The following BTC variants were observed in gnomAD, a reference collection of about 807,000 sequenced individuals.
BTC encodes probetacellulin.
BTC carries 13 observed loss-of-function variants against 18.1 expected under a neutral mutation model. The ratio of observed to expected loss-of-function variants is 0.72; its 90% confidence interval spans 0.47 to 1.14. BTC has a LOEUF of 1.14. Among genes scored for constraint, BTC ranks in the 50% most tolerant of loss-of-function variants. BTC has a pLI of 0.00. For synonymous variants in BTC, 83 were observed against 79.4 expected, an observed-to-expected ratio of 1.05 and a Z score of -0.24; for missense variants, 247 against 224.2, an observed-to-expected ratio of 1.10 and a Z score of -0.65.
At chr4:74,768,646 C>G (rs947850733) in intron 2 of BTC, among the ~76,000 whole-genome samples, 1 of 152,064 alleles carries the variant, frequency 6.6e-6, no homozygotes, top group South Asian at 2.1e-4. Flanking sequence ...GTTAGTGCAA[C>G]ATTAATAAAT....
chr4:74,775,435 C>T (rs1347185288), intron 1 of BTC, among the ~76,000 whole-genome samples: 1 of 152,040 alleles, frequency 6.6e-6, no homozygotes, highest in Non-Finnish European at 1.5e-5. Flanking sequence ...GTAGAAAACA[C>T]AGTAAGATTT....
chr4:74,771,320 T>C (rs1725032691), intron 1 of BTC, among the ~76,000 whole-genome samples: 1 of 152,198 alleles, frequency 6.6e-6, no homozygotes, highest in African/African-American at 2.4e-5. Flanking sequence ...AAATTACTTA[T>C]TGTTATGCAA....
chr4:74,778,631 G>C (rs144407349), intron 1 of BTC, among the ~76,000 whole-genome samples: 172 of 152,210 alleles, frequency 1.1e-3, no homozygotes, highest in African/African-American at 3.9e-3. Flanking sequence ...AATGAAAGGA[G>C]GAAGAATGTA....
At chr4:74,759,826 G>A (rs1165919881) in intron 2 of BTC, among the ~76,000 whole-genome samples, 1 of 152,100 alleles carries the variant, frequency 6.6e-6, no homozygotes, top group African/African-American at 2.4e-5. Context: ...TACATGAGAC[G>A]TACTAGATTC....
intron 3 of BTC, among the ~76,000 whole-genome samples, chr4:74,753,121 G>A (rs1024877125): frequency 6.6e-5 from 10 of 152,122 alleles, no homozygotes; most frequent in Non-Finnish European, 1.2e-4. Context: ...CAGATTCTAA[G>A]TTTTTTTATT....
chr4:74,771,512 A>G lies in BTC; in HGVS notation c.65-1356T>C, dbSNP rs192813780. On this transcript the variant is annotated intron_variant, in intron 1 of 5. Transcript: ENST00000395743. ...TCCTCAAGTTGCCCCCAAGTTGTGG[A>G]GCCAATTAACCATAACACAAAGTGC... Among the ~76,000 whole-genome samples the G allele has an allele frequency of 4.6e-5, 7 of 152,336 alleles. No individual in the cohort carries two copies. The East Asian group carries it at 1.2e-3, about 25-fold the overall frequency.
intron 1 of BTC, among the ~76,000 whole-genome samples, chr4:74,780,141 G>A (rs895861537): frequency 2.6e-5 from 4 of 152,122 alleles, no homozygotes; most frequent in African/African-American, 9.7e-5. Flanking sequence ...TGTTTTGTGT[G>A]ACTATGAAAT....
intron 1 of BTC, among the ~76,000 whole-genome samples, chr4:74,785,857 T>C (rs1725465322): frequency 6.6e-6 from 1 of 152,116 alleles, no homozygotes. Context: ...TCCTACTCTA[T>C]AAATGGGAAT....
intron 1 of BTC, among the ~76,000 whole-genome samples, chr4:74,774,200 A>G (rs1725119934): frequency 6.6e-6 from 1 of 152,236 alleles, no homozygotes; most frequent in Admixed American, 6.5e-5. Flanking sequence ...TTAACAAAAT[A>G]TGTTCAGAAA....
intron 2 of BTC, among the ~76,000 whole-genome samples, chr4:74,759,719 AAGGG>A (rs1457486018): frequency 6.6e-6 from 1 of 152,018 alleles, no homozygotes; most frequent in African/African-American, 2.4e-5. Context: ...ACCTAACTCT[AAGGG>A]TTTGCAAAAG....
At chr4:74,752,692 A>AT (rs1475798035) in intron 3 of BTC, among the ~76,000 whole-genome samples, 2 of 152,002 alleles carry the variant, frequency 1.3e-5, no homozygotes, top group African/African-American at 4.8e-5. Flanking sequence ...AATCACTTTT[A>AT]ATTGCATGTA....
intron 2 of BTC, among the ~76,000 whole-genome samples, chr4:74,763,002 C>T (rs1553957464): frequency 6.6e-6 from 1 of 151,976 alleles, no homozygotes; most frequent in Admixed American, 6.6e-5. Context: ...AAGAGTAAAC[C>T]AAAGAAATAA....
chr4:74,753,989 G>T (rs2109882037), intron 3 of BTC, among the ~76,000 whole-genome samples: 1 of 152,240 alleles, frequency 6.6e-6, no homozygotes, highest in South Asian at 2.1e-4. Flanking sequence ...TTCACCACTT[G>T]ACTGGACAGT....
intron 1 of BTC, among the ~76,000 whole-genome samples, chr4:74,776,135 G>T (rs964596375): frequency 1.3e-5 from 2 of 150,572 alleles, no homozygotes; most frequent in Admixed American, 1.3e-4. Flanking sequence ...TATATTTATG[G>T]TTTCTTTTTT....
At position 74,769,939 on chromosome 4, in the gene BTC, G is replaced by A. The variant is rs542205432; in HGVS notation, c.163+119C>T. On this transcript the variant is annotated intron_variant, in intron 2 of 5. Coordinates refer to ENST00000395743, the MANE Select transcript of BTC (RefSeq NM_001729.4). Reference sequence around the variant, plus strand: ...GTAGTGATTAATTACTGTATATAAAGCACTTAGCACAGTGACTGGTACCTT... The same window carrying A: ...GTAGTGATTAATTACTGTATATAAAACACTTAGCACAGTGACTGGTACCTT... 1.5e-4 allele frequency: 116 copies of A among 762,142 alleles called. No individual in the cohort carries two copies. In the African/African-American group the frequency reaches 1.9e-3, roughly 13 times the overall value. The allele number at this position is 762,142 out of a possible 1,614,324, so 47.2% of individuals were successfully genotyped here.
intron 1 of BTC, among the ~76,000 whole-genome samples, chr4:74,778,325 A>G (rs1725231595): frequency 1.3e-5 from 2 of 152,172 alleles, no homozygotes; most frequent in African/African-American, 4.8e-5. Context: ...AACACTCTAA[A>G]ATCTGGAGTG....
chr4:74,786,233 T>G (rs889382082), intron 1 of BTC, among the ~76,000 whole-genome samples: 1 of 152,176 alleles, frequency 6.6e-6, no homozygotes, highest in Non-Finnish European at 1.5e-5. Flanking sequence ...AATTCAGCTC[T>G]GATGACAATT....
intron 1 of BTC, among the ~76,000 whole-genome samples, chr4:74,784,572 G>A (rs569439519): frequency 5.9e-5 from 9 of 152,162 alleles, no homozygotes; most frequent in Admixed American, 5.9e-4. Context: ...TGTCATATAT[G>A]GCTCTTACTG....
chr4:74,775,463 A>C (rs953607517), intron 1 of BTC, among the ~76,000 whole-genome samples: 1 of 152,200 alleles, frequency 6.6e-6, no homozygotes. Flanking sequence ...AAAAGATCAT[A>C]GGTTATGTTA....
Sources: allele counts gnomAD v4.1 joint callset (sites outside exome capture counted in the v4.1 genomes callset), GRCh38; gene constraint gnomAD v4.1.1; transcripts MANE v1.5; gene names NCBI Gene and HGNC (gene_info 2026-07-23, HGNC 2026-07-21).